FGF12: variants seen among roughly 807,000 people sequenced by gnomAD.
FGF12 encodes fibroblast growth factor 12B.
FGF12 carries 14 observed loss-of-function variants against 23.6 expected under a neutral mutation model. The ratio of observed to expected loss-of-function variants is 0.59; its 90% confidence interval spans 0.39 to 0.93. FGF12 has a LOEUF of 0.93. FGF12 is among the 40% of genes least tolerant of loss of function. The pLI is 0.00. For synonymous variants in FGF12, 62 were observed against 77.3 expected (o/e 0.80, Z 1.04); for missense variants, 175 against 217.8 (o/e 0.80, Z 1.24).
intron 2 of FGF12, among the ~76,000 whole-genome samples, chr3:192,657,491 G>A (rs1054293799): frequency 4.0e-5 from 6 of 151,668 alleles, no homozygotes; most frequent in African/African-American, 1.5e-4. Flanking sequence ...AGTGTAGGGG[G>A]AGAGGGGAGG....
chr3:192,182,708 C>T (rs768128468), intron 4 of FGF12, among the ~76,000 whole-genome samples: 3 of 152,148 alleles, frequency 2.0e-5, no homozygotes, highest in Non-Finnish European at 4.4e-5. Flanking sequence ...GAACTCTACT[C>T]GCTTCATTTT....
chr3:192,162,684 CA>C (rs1233858717), intron 5 of FGF12, among the ~76,000 whole-genome samples: 1 of 151,928 alleles, frequency 6.6e-6, no homozygotes, highest in Non-Finnish European at 1.5e-5. Flanking sequence ...TGGTTGGGTC[CA>C]AAAGAGAACC....
chr3:192,465,796 GT>G (rs1377464311), intron 2 of FGF12, among the ~76,000 whole-genome samples: 1 of 152,034 alleles, frequency 6.6e-6, no homozygotes, highest in Admixed American at 6.6e-5. Flanking sequence ...ATGTTACTGC[GT>G]TTTTTTGCTG....
rs187768241 is a variant in FGF12, at chr3:192,292,954, T to A, written c.228+42407A>T. Among the ~76,000 whole-genome samples the A allele has an allele frequency of 7.4e-3, 1,123 of 152,198 alleles. 16 individuals carry two copies. Among genetic ancestry groups the A allele is most frequent in the African/African-American group, 0.025 (1,051 of 41,528 alleles). On this transcript the variant is annotated intron_variant, in intron 4 of 5. Transcript: ENST00000445105. ...CCACTATGTCCAGCTAGGCTTTTTT[T>A]ATTTTTTTAAGATGGGGGTCATGCT...
intron 2 of FGF12, among the ~76,000 whole-genome samples, chr3:192,659,220 GTTGATACA>G (rs1321067052): frequency 6.6e-6 from 1 of 152,176 alleles, no homozygotes; most frequent in Non-Finnish European, 1.5e-5. Flanking sequence ...AAAATAAAGT[GTTGATACA>G]TCTTATGGCA....
At chr3:192,402,834 C>T (rs1560100769) in intron 2 of FGF12, among the ~76,000 whole-genome samples, 1 of 152,086 alleles carries the variant, frequency 6.6e-6, no homozygotes, top group African/African-American at 2.4e-5. Flanking sequence ...CTCACAGATG[C>T]TTAGGAGGTA....
intron 2 of FGF12, among the ~76,000 whole-genome samples, chr3:192,459,848 TGTGTGTGTGTTTGTGTGTGTGC>T (rs369220131): frequency 6.6e-6 from 1 of 151,848 alleles, no homozygotes. Context: ...AGTGTGTGTG[TGTGTGTGTGTTTGTGTGTGTGC>T]GTGTGTGTGT....
At chr3:192,588,374 A>C (rs935702688) in intron 2 of FGF12, among the ~76,000 whole-genome samples, 2 of 150,374 alleles carry the variant, frequency 1.3e-5, no homozygotes, top group African/African-American at 4.9e-5. Flanking sequence ...AAAAGAAAAA[A>C]AGAAAAAAAA....
intron 4 of FGF12, among the ~76,000 whole-genome samples, chr3:192,178,265 A>T (rs1715967974): frequency 6.6e-6 from 1 of 152,124 alleles, no homozygotes; most frequent in South Asian, 2.1e-4. Context: ...CCTATATAAA[A>T]TGTTGTTTCT....
At chr3:192,228,962 C>T (rs1185676544) in intron 4 of FGF12, among the ~76,000 whole-genome samples, 1 of 151,920 alleles carries the variant, frequency 6.6e-6, no homozygotes. Context: ...CAATAATTTT[C>T]CGAGTTACAT....
intron 4 of FGF12, among the ~76,000 whole-genome samples, chr3:192,332,921 A>G (rs1717199543): frequency 6.6e-6 from 1 of 152,132 alleles, no homozygotes; most frequent in Admixed American, 6.6e-5. Context: ...GATGACTTTT[A>G]ACTCACGAGG....
intron 2 of FGF12, among the ~76,000 whole-genome samples, chr3:192,402,945 T>G (rs965687796): frequency 1.3e-5 from 2 of 152,154 alleles, no homozygotes; most frequent in Non-Finnish European, 1.5e-5. Context: ...ATTGAAAATA[T>G]AGCATATCAA....
At chr3:192,618,729 G>A (rs141459352) in intron 2 of FGF12, among the ~76,000 whole-genome samples, 1 of 151,984 alleles carries the variant, frequency 6.6e-6, no homozygotes, top group African/African-American at 2.4e-5. Flanking sequence ...TACAAATGTG[G>A]CTTCTGCCTT....
At chr3:192,648,025 A>T (rs1716078460) in intron 2 of FGF12, among the ~76,000 whole-genome samples, 1 of 151,768 alleles carries the variant, frequency 6.6e-6, no homozygotes. Flanking sequence ...CCCATTTCAC[A>T]AAGGGTCAAA....
intron 2 of FGF12, among the ~76,000 whole-genome samples, chr3:192,678,610 C>G (rs188162459): frequency 6.6e-6 from 1 of 152,318 alleles, no homozygotes; most frequent in African/African-American, 2.4e-5. Flanking sequence ...AAACCTCCCT[C>G]CTTTCCCCAC....
At chr3:192,161,580 C>T (rs1297432864) in intron 5 of FGF12, among the ~76,000 whole-genome samples, 1 of 151,544 alleles carries the variant, frequency 6.6e-6, no homozygotes, top group Non-Finnish European at 1.5e-5. Flanking sequence ...TCTGAAGTTA[C>T]CAGGTAACAA....
chr3:192,577,542 C>G (rs1009144745), intron 2 of FGF12, among the ~76,000 whole-genome samples: 1 of 152,122 alleles, frequency 6.6e-6, no homozygotes, highest in African/African-American at 2.4e-5. Flanking sequence ...GAAACCAGAA[C>G]AGACTTAGAA....
intron 2 of FGF12, among the ~76,000 whole-genome samples, chr3:192,571,011 C>T (rs1272352963): frequency 6.6e-6 from 1 of 152,152 alleles, no homozygotes; most frequent in African/African-American, 2.4e-5. Flanking sequence ...ATTCCATTAA[C>T]CTTCTGATTC....
chr3:192,711,406 G>A (rs981914455), intron 2 of FGF12, among the ~76,000 whole-genome samples: 2 of 152,136 alleles, frequency 1.3e-5, no homozygotes, highest in Non-Finnish European at 2.9e-5. Context: ...TCTGGGAAGT[G>A]AGGAGCCCCT....
Sources: allele counts gnomAD v4.1 joint callset (sites outside exome capture counted in the v4.1 genomes callset), GRCh38; gene constraint gnomAD v4.1.1; transcripts MANE v1.5; gene names NCBI Gene and HGNC (gene_info 2026-07-23, HGNC 2026-07-21).